Variants in SEMA5A observed in about 807,000 individuals in gnomAD.
SEMA5A encodes the protein semaphorin-5A.
Under a neutral mutation model 135.5 loss-of-function variants are expected in SEMA5A, and 55 were observed. The observed-to-expected ratio is 0.41, with a 90% CI of 0.33 to 0.51. SEMA5A has a LOEUF of 0.51. Among genes scored for constraint, SEMA5A ranks in the 20% least tolerant of loss-of-function variants. SEMA5A has a pLI of 0.37. For synonymous variants in SEMA5A, 580 were observed against 546.5 expected, an observed-to-expected ratio of 1.06 and a Z score of -0.85; for missense variants, 1,290 against 1,419.9, an observed-to-expected ratio of 0.91 and a Z score of 1.47.
At chr5:9,199,052 G>A (rs1472281993) in intron 9 of SEMA5A, among the ~76,000 whole-genome samples, 2 of 152,182 alleles carry the variant, frequency 1.3e-5, no homozygotes, top group African/African-American at 4.8e-5. Flanking sequence ...ACAGGCTGCA[G>A]AGAAATAAAG....
chr5:9,219,406 G>C lies in SEMA5A; in HGVS notation c.646+5268C>G, dbSNP rs1746808463. 2.0e-5 allele frequency among the ~76,000 whole-genome samples: 3 copies of C among 152,112 alleles called. 1 individual carries two copies. The highest frequency in any genetic ancestry group is 7.2e-5 in the African/African-American group (3 of 41,414). On this transcript the variant is annotated intron_variant, in intron 8 of 22. Coordinates refer to ENST00000382496, the MANE Select transcript of SEMA5A (RefSeq NM_003966.3). ...AGGTGAAACATGGAGCCTGCTCTGG[G>C]CTGAGTTTTGTCTCCCAAAACTTAT...
intron 6 of SEMA5A, among the ~76,000 whole-genome samples, chr5:9,229,199 T>C (rs1399814276): frequency 6.6e-6 from 1 of 152,204 alleles, no homozygotes; most frequent in Admixed American, 6.5e-5. Flanking sequence ...CTGAGGAAGA[T>C]GGAAAACAAC....
At chr5:9,380,434 A>G (rs1755549264) in intron 2 of SEMA5A, among the ~76,000 whole-genome samples, 1 of 152,178 alleles carries the variant, frequency 6.6e-6, no homozygotes, top group Non-Finnish European at 1.5e-5. Context: ...ATACCTGCCC[A>G]TCCCTTTTTA....
chr5:9,449,734 G>A (rs888790550), intron 1 of SEMA5A, among the ~76,000 whole-genome samples: 3 of 152,090 alleles, frequency 2.0e-5, no homozygotes, highest in African/African-American at 7.2e-5. Context: ...GGTGGTACCT[G>A]GAGATGACCT....
chr5:9,194,691 T>C (rs936656776), intron 10 of SEMA5A, among the ~76,000 whole-genome samples: 28 of 152,238 alleles, frequency 1.8e-4, no homozygotes, highest in African/African-American at 5.1e-4. Context: ...TTGAGCTCCA[T>C]TGGAGTCTTA....
intron 11 of SEMA5A, among the ~76,000 whole-genome samples, chr5:9,158,630 A>T (rs2526121): frequency 6.6e-6 from 1 of 151,806 alleles, no homozygotes; most frequent in Non-Finnish European, 1.5e-5. Flanking sequence ...ACACTGCTTC[A>T]GTGCAAACTC....
At chr5:9,530,962 C>G (rs1253216172) in intron 1 of SEMA5A, among the ~76,000 whole-genome samples, 1 of 152,152 alleles carries the variant, frequency 6.6e-6, no homozygotes, top group Non-Finnish European at 1.5e-5. Context: ...CTCCAAGTAC[C>G]CTCTTCACAT....
chr5:9,077,017 G>T lies in SEMA5A; in HGVS notation c.2074-10371C>A, dbSNP rs1738104157. ...GGCACAGGCCTTTGAACATGAGGAAGTTATCATACAATCACCTTCCATGGG... is the reference window on the plus strand; with the variant it reads ...GGCACAGGCCTTTGAACATGAGGAATTTATCATACAATCACCTTCCATGGG... On this transcript the variant is annotated intron_variant, in intron 16 of 22. Transcript: ENST00000382496. Among the ~76,000 whole-genome samples, 3 of 152,140 alleles carry T rather than the reference G, an allele frequency of 2.0e-5. No individual in the cohort carries two copies. The South Asian group carries it at 6.2e-4, about 32-fold the overall frequency.
rs1745452401 is a variant in SEMA5A at position 9,197,359 on chromosome 5, C to A, written c.933-56G>T. 4 of 1,589,766 alleles carry A rather than the reference C, an allele frequency of 2.5e-6. No homozygotes were observed. In the Admixed American group the frequency reaches 6.8e-5, roughly 27 times the overall value. On this transcript the variant is annotated intron_variant, in intron 9 of 22. Coordinates refer to ENST00000382496, the MANE Select transcript of SEMA5A (RefSeq NM_003966.3). The stretch of plus-strand genomic sequence containing the variant: ...CAGAGAGCTCGGCAGCACCTGCTGA[C>A]CTCCCCCTATGGACTGGGCAGCAGC...
In SEMA5A at chr5:9,141,404, C is replaced by A. The variant is rs1034757524; in HGVS notation, c.1482-4783G>T. 2.0e-5 allele frequency among the ~76,000 whole-genome samples: 3 copies of A among 152,050 alleles called. No homozygotes were observed. In the East Asian group the frequency reaches 5.8e-4, roughly 29 times the overall value. ...TATGTCATAGCATCATTTTGTACCC[C>A]ATAAATATATTCTGTTCAAATATAA... is the stretch of plus-strand genomic sequence containing the variant. On this transcript the variant is annotated intron_variant, in intron 12 of 22. Transcript: ENST00000382496.
intron 5 of SEMA5A, among the ~76,000 whole-genome samples, chr5:9,305,707 C>CATATATATATATATATATATATAT (rs1561128483): frequency 7.0e-5 from 3 of 42,894 alleles, no homozygotes; most frequent in African/African-American, 1.5e-4. Flanking sequence ...TGTGTGTGTG[C>CATATATATATATATATATATATAT]GTATATATAT....
Position 9,337,721 on chromosome 5 carries a change from TACA to T in SEMA5A, c.213_215del (p.Val72del). Reference sequence around the variant, plus strand: ...AATACAATATCTCTCACCTTGCTCCTACAACAAGTTCTTTCTGTCCTGGGTCAA... The same window carrying T: ...AATACAATATCTCTCACCTTGCTCCTACAAGTTCTTTCTGTCCTGGGTCAA... On this transcript the variant is annotated inframe_deletion, in exon 4 of 23. Transcript: ENST00000382496. 1 of 1,608,518 alleles carries T rather than the reference TACA, an allele frequency of 6.2e-7. No individual in the cohort carries two copies. The highest frequency in any genetic ancestry group is 8.5e-7 in the Non-Finnish European group (1 of 1,176,106).
intron 1 of SEMA5A, among the ~76,000 whole-genome samples, chr5:9,501,482 T>C (rs904340710): frequency 6.6e-6 from 1 of 152,178 alleles, no homozygotes; most frequent in African/African-American, 2.4e-5. Flanking sequence ...ATGTAGAGAA[T>C]ACAGAAAGAG....
chr5:9,172,257 G>A (rs1743966175), intron 11 of SEMA5A, among the ~76,000 whole-genome samples: 1 of 152,198 alleles, frequency 6.6e-6, no homozygotes, highest in East Asian at 1.9e-4. Flanking sequence ...CCAACACCGT[G>A]TAATCAATAT....
chr5:9,488,982 G>A (rs1734865971), intron 1 of SEMA5A, among the ~76,000 whole-genome samples: 1 of 152,064 alleles, frequency 6.6e-6, no homozygotes, highest in Admixed American at 6.6e-5. Context: ...TTTCATTTCT[G>A]GCTATTTACT....
At chr5:9,435,568 C>T (rs753679340) in intron 2 of SEMA5A, among the ~76,000 whole-genome samples, 6 of 152,116 alleles carry the variant, frequency 3.9e-5, no homozygotes, top group Non-Finnish European at 7.4e-5. Flanking sequence ...AGATAAATTG[C>T]ACTGTGGGAC....
intron 8 of SEMA5A, among the ~76,000 whole-genome samples, chr5:9,219,360 C>T (rs1746805467): frequency 6.6e-6 from 1 of 152,114 alleles, no homozygotes; most frequent in African/African-American, 2.4e-5. Flanking sequence ...CTGAGATTTG[C>T]AGGTGTCTGG....
At chr5:9,317,011 T>C (rs548516154) in intron 5 of SEMA5A, among the ~76,000 whole-genome samples, 1 of 152,222 alleles carries the variant, frequency 6.6e-6, no homozygotes, top group Admixed American at 6.5e-5. Context: ...CTCCTAAGAG[T>C]TTGTCTTTTT....
At chr5:9,208,997 C>T (rs1746200862) in intron 8 of SEMA5A, among the ~76,000 whole-genome samples, 1 of 152,138 alleles carries the variant, frequency 6.6e-6, no homozygotes, top group Non-Finnish European at 1.5e-5. Context: ...ACATTTGATT[C>T]CTTCCTTCTT....
Sources: gnomAD v4.1 joint callset for allele counts (sites outside exome capture counted in the v4.1 genomes callset) on GRCh38, gnomAD v4.1.1 for gene constraint, MANE v1.5 for transcripts, NCBI Gene and HGNC (gene_info 2026-07-23, HGNC 2026-07-21) for gene names.